Variants in CLSTN2 observed in about 807,000 individuals in gnomAD.
CLSTN2 encodes calsyntenin 2, also known as calsyntenin-2.
CLSTN2 carries 48 observed loss-of-function variants against 101.2 expected under a neutral mutation model. The ratio of observed to expected loss-of-function variants is 0.47; its 90% CI spans 0.38 to 0.60. The LOEUF (loss-of-function observed/expected upper bound fraction) is 0.60, where lower values mean the gene tolerates loss of function less well. Among genes scored for constraint, CLSTN2 ranks in the 20% least tolerant of loss-of-function variants. The pLI is 0.00. For synonymous variants in CLSTN2, 481 were observed against 463.6 expected (o/e 1.04, Z -0.48); for missense variants, 1,160 against 1,238.2 (o/e 0.94, Z 0.95).
At chr3:140,100,478 C>T (rs561199276) in intron 1 of CLSTN2, among the ~76,000 whole-genome samples, 1 of 152,342 alleles carries the variant, frequency 6.6e-6, no homozygotes, top group East Asian at 1.9e-4. Context: ...GTTCAGCATT[C>T]ACTTTTAAAC....
chr3:140,373,993 C>A (rs62268033), intron 2 of CLSTN2, among the ~76,000 whole-genome samples: 12,820 of 152,260 alleles, frequency 0.084, 650 homozygotes, highest in Middle Eastern at 0.14. Flanking sequence ...CAGTTGCAGG[C>A]CCTTGTCACT....
chr3:140,478,698 T>A (rs1021285699), intron 8 of CLSTN2, among the ~76,000 whole-genome samples: 10 of 152,010 alleles, frequency 6.6e-5, no homozygotes, highest in Non-Finnish European at 1.2e-4. Flanking sequence ...ACCACTGAAT[T>A]ATACACTTAC....
At chr3:140,366,832 C>A (rs562495474) in intron 2 of CLSTN2, among the ~76,000 whole-genome samples, 1 of 152,278 alleles carries the variant, frequency 6.6e-6, no homozygotes, top group South Asian at 2.1e-4. Context: ...CGTCAGGGAC[C>A]AGCTGGCAAC....
intron 2 of CLSTN2, among the ~76,000 whole-genome samples, chr3:140,320,820 A>G (rs950254998): frequency 6.6e-5 from 10 of 152,178 alleles, no homozygotes; most frequent in Admixed American, 5.2e-4. Context: ...GCAGTTTCAG[A>G]AATGCAAACA....
In CLSTN2 at chr3:140,564,640, A is replaced by G. The variant is rs144568425; in HGVS notation, c.2667+495A>G. On this transcript the variant is annotated intron_variant, in intron 16 of 16. Transcript: ENST00000458420. ...GAGCCCCCATTATGCCAGATACTGT[A>G]TAGAGTGCTCTATATACACCACCTC... Among the ~76,000 whole-genome samples the G allele has an allele frequency of 2.1e-3, 318 of 152,356 alleles. 3 individuals carry two copies. The highest frequency in any genetic ancestry group is 6.7e-3 in the African/African-American group (278 of 41,584).
intron 4 of CLSTN2, among the ~76,000 whole-genome samples, chr3:140,410,148 T>G (rs1215046808): frequency 1.3e-5 from 2 of 152,080 alleles, no homozygotes; most frequent in Non-Finnish European, 2.9e-5. Flanking sequence ...CTGGTGGATA[T>G]GTTCTCAAAT....
chr3:140,535,273 G>T (rs1220834612), intron 9 of CLSTN2, among the ~76,000 whole-genome samples: 1 of 152,182 alleles, frequency 6.6e-6, no homozygotes, highest in African/African-American at 2.4e-5. Flanking sequence ...TGTTATAAGG[G>T]CCCCTCCCTT....
intron 2 of CLSTN2, among the ~76,000 whole-genome samples, chr3:140,285,691 C>T (rs1390122427): frequency 1.3e-5 from 2 of 152,194 alleles, no homozygotes; most frequent in East Asian, 1.9e-4. Context: ...GCATTTCTAA[C>T]AAGTTCTCTT....
chr3:140,097,096 T>C (rs1367201666), intron 1 of CLSTN2, among the ~76,000 whole-genome samples: 1 of 152,224 alleles, frequency 6.6e-6, no homozygotes, highest in East Asian at 1.9e-4. Context: ...TACAATATTA[T>C]AGAATTATTT....
intron 2 of CLSTN2, among the ~76,000 whole-genome samples, chr3:140,319,388 T>A (rs1301321558): frequency 6.6e-6 from 1 of 152,188 alleles, no homozygotes; most frequent in African/African-American, 2.4e-5. Flanking sequence ...CGTGCCTCTT[T>A]GTTCTTGCCC....
chr3:140,476,035 G>A (rs529019498), intron 8 of CLSTN2, among the ~76,000 whole-genome samples: 1 of 152,336 alleles, frequency 6.6e-6, no homozygotes, highest in South Asian at 2.1e-4. Context: ...TCACTGCACC[G>A]ATTGTGTCAT....
intron 1 of CLSTN2, among the ~76,000 whole-genome samples, chr3:140,008,172 G>A (rs2006996550): frequency 6.6e-6 from 1 of 152,190 alleles, no homozygotes; most frequent in Non-Finnish European, 1.5e-5. Flanking sequence ...GTTCTGGGAG[G>A]TGATGACATC....
intron 9 of CLSTN2, among the ~76,000 whole-genome samples, chr3:140,542,511 A>C (rs1284274351): frequency 6.6e-6 from 1 of 152,228 alleles, no homozygotes; most frequent in African/African-American, 2.4e-5. Context: ...TATGCAGCCC[A>C]TGCAGACACC....
chr3:139,951,261 C>T (rs1020933071), intron 1 of CLSTN2, among the ~76,000 whole-genome samples: 9 of 152,006 alleles, frequency 5.9e-5, no homozygotes, highest in South Asian at 2.1e-4. Context: ...GCTTACAGGC[C>T]GAAATTGCCT....
At chr3:140,389,614 A>G (rs1252683880) in intron 2 of CLSTN2, among the ~76,000 whole-genome samples, 1 of 152,182 alleles carries the variant, frequency 6.6e-6, no homozygotes, top group African/African-American at 2.4e-5. Flanking sequence ...GTGTCTTTAT[A>G]ATAGAATGAT....
At chr3:139,952,771 C>A (rs1278363949) in intron 1 of CLSTN2, among the ~76,000 whole-genome samples, 2 of 152,164 alleles carry the variant, frequency 1.3e-5, no homozygotes, top group Non-Finnish European at 1.5e-5. Context: ...GTAGAAAATA[C>A]CCTAAATGGA....
intron 8 of CLSTN2, among the ~76,000 whole-genome samples, chr3:140,524,817 G>A (rs1209979005): frequency 2.0e-5 from 3 of 152,112 alleles, no homozygotes. Context: ...TGAAAACATG[G>A]AAATTAAACA....
At chr3:140,316,272 T>C (rs2087230448) in intron 2 of CLSTN2, among the ~76,000 whole-genome samples, 1 of 152,050 alleles carries the variant, frequency 6.6e-6, no homozygotes, top group Non-Finnish European at 1.5e-5. Flanking sequence ...GCATGAGAGG[T>C]AGAAACTCCT....
In CLSTN2 at chr3:140,556,593, C is replaced by A; in HGVS notation, c.1755C>A (p.Val585=). Reference sequence around the variant, plus strand: ...ACATTAACCGTGCTCTCCAGAAAGTCTCCTACATCAACTCCAGGCAGTTCC... The same window carrying A: ...ACATTAACCGTGCTCTCCAGAAAGTATCCTACATCAACTCCAGGCAGTTCC... The part of the protein sequence containing the change: ...IGNINRALQK[V]SYINSRQFPT... Residue 585 remains valine (V), a synonymous_variant, in exon 11 of 17, where the codon GTC becomes GTA. Coordinates refer to ENST00000458420, the MANE Select transcript of CLSTN2 (RefSeq NM_022131.3). The A allele has an allele frequency of 6.2e-7, 1 of 1,614,106 alleles. No individual in the cohort carries two copies. The highest frequency in any genetic ancestry group is 8.5e-7 in the Non-Finnish European group (1 of 1,179,992).
Sources: allele counts gnomAD v4.1 joint callset (sites outside exome capture counted in the v4.1 genomes callset), GRCh38; gene constraint gnomAD v4.1.1; transcripts MANE v1.5; gene names NCBI Gene and HGNC (gene_info 2026-07-23, HGNC 2026-07-21).